LAMA4: variants seen among roughly 807,000 people sequenced by gnomAD.
LAMA4 encodes laminin subunit alpha 4, also known as laminin subunit alpha-4.
A neutral mutation model predicts 207.1 loss-of-function variants in LAMA4; 127 were observed. The ratio of observed to expected loss-of-function variants is 0.61; its 90% CI spans 0.53 to 0.71. The LOEUF (loss-of-function observed/expected upper bound fraction) is 0.71, where lower values mean the gene tolerates loss of function less well. Ranked by LOEUF, LAMA4 falls within the 30% of genes least tolerant of loss-of-function variation. The probability of loss-of-function intolerance (pLI) is 0.00; values close to 1 mark genes in which losing one functional copy is unlikely to be tolerated. For synonymous variants in LAMA4, 761 were observed against 816.0 expected (o/e 0.93, Z 1.15); for missense variants, 2,093 against 2,246.5 (o/e 0.93, Z 1.38).
At chr6:112,144,106 A>T (rs573070068) in intron 19 of LAMA4, among the ~76,000 whole-genome samples, 2 of 152,338 alleles carry the variant, frequency 1.3e-5, no homozygotes, top group Non-Finnish European at 2.9e-5. Flanking sequence ...TGAATCAATT[A>T]AAAAAATTCA....
At chr6:112,127,124 C>T (rs1332994184) in intron 31 of LAMA4, among the ~76,000 whole-genome samples, 1 of 152,008 alleles carries the variant, frequency 6.6e-6, no homozygotes, top group Non-Finnish European at 1.5e-5. Flanking sequence ...GTATTGAACA[C>T]CTATTATATG....
intron 38 of LAMA4, among the ~76,000 whole-genome samples, chr6:112,111,812 C>T (rs1777713317): frequency 6.6e-6 from 1 of 152,152 alleles, no homozygotes; most frequent in Non-Finnish European, 1.5e-5. Context: ...GTACATCTTG[C>T]CTGTCCAGTC....
intron 7 of LAMA4, chr6:112,188,813 A>T (rs782674369): frequency 1.2e-5 from 4 of 343,930 alleles, no homozygotes; most frequent in Non-Finnish European, 2.2e-5. Flanking sequence ...AGCTGAAAAG[A>T]GCTCTGTCAC....
At chr6:112,219,254 T>C (rs1554359729) in intron 2 of LAMA4, 2 of 152,204 alleles carry the variant, frequency 1.3e-5, no homozygotes, top group Non-Finnish European at 2.9e-5. Flanking sequence ...GTTAATGTAA[T>C]CGTTATCCTT....
At chr6:112,229,350 G>T (rs1785414514) in intron 2 of LAMA4, among the ~76,000 whole-genome samples, 1 of 151,944 alleles carries the variant, frequency 6.6e-6, no homozygotes, top group South Asian at 2.1e-4. Context: ...ATCCTCCTCA[G>T]CCTTCTTCAG....
At position 112,190,952 on chromosome 6, in the gene LAMA4, CTTT is replaced by C. The variant is rs1554348734; in HGVS notation, c.718+681_718+683del. ...CTTTCTTTCTTTCTTTCTTTCCTTT[CTTT>C]CTTTCTTTCTTTCTTTCTTTCTTTC... On this transcript the variant is annotated intron_variant, in intron 6 of 38. Transcript: ENST00000230538. 9.7e-4 allele frequency among the ~76,000 whole-genome samples: 69 copies of C among 71,042 alleles called. 1 individual carries two copies. Among genetic ancestry groups the C allele is most frequent in the Middle Eastern group, 7.9e-3 (1 of 126 alleles). 46.6% of individuals were successfully genotyped at this position (71,042 alleles called of 152,430 possible).
At chr6:112,212,384 T>C (rs1376773359) in intron 3 of LAMA4, among the ~76,000 whole-genome samples, 1 of 151,970 alleles carries the variant, frequency 6.6e-6, no homozygotes, top group Non-Finnish European at 1.5e-5. Flanking sequence ...CCACAATACC[T>C]GGTTAATTTT....
chr6:112,130,964 A>G lies in LAMA4; in HGVS notation c.3968+4T>C. ...TGGAAAGAATATGAAGTGAGGAGCT[A>G]TACCTTGTGGGTGAGACAGAGCTAA... On this transcript the variant is annotated splice_donor_region_variant and intron_variant, in intron 29 of 38. Coordinates refer to ENST00000230538, the MANE Select transcript of LAMA4 (RefSeq NM_001105206.3). 1.2e-6 allele frequency: 2 copies of G among 1,612,770 alleles called. No individual in the cohort carries two copies. Among genetic ancestry groups the G allele is most frequent in the Non-Finnish European group, 1.7e-6 (2 of 1,178,900 alleles).
intron 6 of LAMA4, 151 bp from the exon 7 acceptor site, chr6:112,189,356 C>T (rs184529511): frequency 5.9e-4 from 402 of 681,454 alleles, no homozygotes; most frequent in African/African-American, 8.3e-4. Context: ...GTAGAATCTA[C>T]GATACAGAGA....
intron 24 of LAMA4, among the ~76,000 whole-genome samples, chr6:112,137,931 T>A (rs1464609330): frequency 1.3e-5 from 2 of 152,192 alleles, no homozygotes; most frequent in South Asian, 2.1e-4. Context: ...GGTATTATCA[T>A]AATAATGGAT....
At position 112,140,785 on chromosome 6, in the gene LAMA4, A is replaced by G. The variant is rs782769284; in HGVS notation, c.2951T>C (p.Val984Ala). ...CTTGAAGTTGGAAGGCACTCCACCA[A>G]CATAAAACACTGTGTCCTCAGGGTC... ...DLDPEDTVFY[V>A]GGVPSNFKLP... Residue 984 changes from valine to alanine, a missense_variant, in exon 22 of 39, where the codon GTT becomes GCT. Val to Ala is a moderately conservative substitution (Grantham distance 64). This residue lies in a region of LAMA4 where 1,704 missense variants were observed against 1,788.4 expected (regional missense o/e 0.95). Coordinates refer to ENST00000230538, the MANE Select transcript of LAMA4 (RefSeq NM_001105206.3). 7.4e-6 allele frequency: 12 copies of G among 1,613,972 alleles called. No homozygotes were observed. In the Admixed American group the frequency reaches 2.0e-4, roughly 27 times the overall value.
chr6:112,226,315 A>G (rs117286487), intron 2 of LAMA4, among the ~76,000 whole-genome samples: 2,590 of 152,244 alleles, frequency 0.017, 43 homozygotes, highest in Middle Eastern at 0.048. Context: ...CCAACCTTAA[A>G]CTATTTCTTT....
intron 9 of LAMA4, among the ~76,000 whole-genome samples, chr6:112,183,625 C>A (rs868929695): frequency 6.6e-6 from 1 of 152,024 alleles, no homozygotes; most frequent in Admixed American, 6.5e-5. Flanking sequence ...GAAAACATTT[C>A]CTCAGATGTT....
intron 2 of LAMA4, among the ~76,000 whole-genome samples, chr6:112,222,501 A>G (rs1290028687): frequency 6.6e-6 from 1 of 152,192 alleles, no homozygotes; most frequent in Admixed American, 6.6e-5. Flanking sequence ...CAATTTAACC[A>G]TCAATAAAAT....
chr6:112,189,800 T>G (rs934000947), intron 6 of LAMA4, among the ~76,000 whole-genome samples: 3 of 152,174 alleles, frequency 2.0e-5, no homozygotes, highest in Non-Finnish European at 4.4e-5. Flanking sequence ...CATTTTTACA[T>G]GAATTTAGAA....
In LAMA4 at chr6:112,161,120, T is replaced by G. The variant is rs374058129; in HGVS notation, c.1669-2240A>C. Among the ~76,000 whole-genome samples, 7 of 152,364 alleles carry G rather than the reference T, an allele frequency of 4.6e-5. No homozygotes were observed. In the South Asian group the frequency reaches 6.2e-4, roughly 14 times the overall value. On this transcript the variant is annotated intron_variant, in intron 13 of 38. Coordinates refer to ENST00000230538, the MANE Select transcript of LAMA4 (RefSeq NM_001105206.3). ...TCTGGAATAATTTTCCTTTATTTTC[T>G]GTCTAATCTACCTGGAAAGCTCTAC...
intron 18 of LAMA4, among the ~76,000 whole-genome samples, chr6:112,147,843 A>T (rs1780124883): frequency 6.6e-6 from 1 of 152,204 alleles, no homozygotes; most frequent in Non-Finnish European, 1.5e-5. Flanking sequence ...CCAACATTTG[A>T]TTAACCTTGT....
chr6:112,141,206 G>A (rs1225653130), intron 21 of LAMA4, 152 bp downstream of exon 21: 3 of 869,434 alleles, frequency 3.5e-6, no homozygotes. Context: ...AATAATGGAA[G>A]AAAACGGAGC....
intron 31 of LAMA4, among the ~76,000 whole-genome samples, chr6:112,123,565 CA>C (rs1554326699): frequency 6.6e-6 from 1 of 152,128 alleles, no homozygotes; most frequent in East Asian, 1.9e-4. Flanking sequence ...ATCCCCCCCA[CA>C]AAAAAATAGT....
Sources: gnomAD v4.1 joint callset for allele counts (sites outside exome capture counted in the v4.1 genomes callset) on GRCh38, gnomAD v4.1.1 for gene constraint, gnomAD v4.1.1 regional missense constraint, MANE v1.5 for transcripts, NCBI Gene and HGNC (gene_info 2026-07-23, HGNC 2026-07-21) for gene names.